Variants in ZMYND8 observed in about 807,000 individuals in gnomAD.
The protein encoded by ZMYND8 is zinc finger MYND-type containing 8.
Under a neutral mutation model 140.8 loss-of-function variants are expected in ZMYND8, and 37 were observed. The ratio of observed to expected loss-of-function variants is 0.26; its 90% confidence interval spans 0.20 to 0.35. The LOEUF is 0.35. Among genes scored for constraint, ZMYND8 ranks in the 10% least tolerant of loss-of-function variants. The pLI is 1.00. For synonymous variants in ZMYND8, 592 were observed against 597.1 expected (o/e 0.99, Z 0.12); for missense variants, 1,068 against 1,570.0 (o/e 0.68, Z 5.40).
chr20:47,326,417 A>C (rs2080423230), intron 2 of ZMYND8, among the ~76,000 whole-genome samples: 1 of 152,106 alleles, frequency 6.6e-6, no homozygotes, highest in African/African-American at 2.4e-5. Flanking sequence ...GTTATTCTTG[A>C]GGAGAGCTAT....
At position 47,323,335 on chromosome 20, in the gene ZMYND8, C is replaced by G. The variant is rs543900365; in HGVS notation, c.86-13131G>C. 2.0e-5 allele frequency among the ~76,000 whole-genome samples: 3 copies of G among 152,240 alleles called. No homozygotes were observed. In the East Asian group the frequency reaches 5.8e-4, roughly 29 times the overall value. ...ATGGCTCACTGCAGCCTCAACCTCC[C>G]AGGTTCAAGCGATCCTCCCACCTCA... On this transcript the variant is annotated intron_variant, in intron 2 of 22. Coordinates refer to ENST00000471951, the MANE Select transcript of ZMYND8 (RefSeq NM_001281775.3).
At chr20:47,267,843 A>G (rs1333668389) in intron 11 of ZMYND8, among the ~76,000 whole-genome samples, 1 of 152,116 alleles carries the variant, frequency 6.6e-6, no homozygotes, top group Non-Finnish European at 1.5e-5. Context: ...TGAGGTTCCC[A>G]AGGGAAGGCT....
intron 11 of ZMYND8, among the ~76,000 whole-genome samples, chr20:47,269,019 G>A (rs998575289): frequency 3.9e-5 from 6 of 151,988 alleles, no homozygotes; most frequent in Admixed American, 2.6e-4. Context: ...TGGCCAACAT[G>A]GCAAAACCGC....
intron 17 of ZMYND8, among the ~76,000 whole-genome samples, chr20:47,228,994 AT>A (rs3092476): frequency 0.13 from 18,499 of 146,896 alleles, 1,194 homozygotes; most frequent in Middle Eastern, 0.17. Context: ...AGATAGCTTA[AT>A]TTTTTTTTTT....
At chr20:47,287,395 C>A in intron 7 of ZMYND8, 111 bp from the exon 8 acceptor site, 1 of 897,338 alleles carries the variant, frequency 1.1e-6, no homozygotes, top group South Asian at 1.4e-5. Flanking sequence ...CAGGATTAAG[C>A]TTTTAAAGGC....
chr20:47,287,290 G>A lies in ZMYND8; in HGVS notation c.749-6C>T, dbSNP rs1392990612. The A allele has an allele frequency of 1.2e-6, 2 of 1,611,970 alleles. No homozygotes were observed. Among genetic ancestry groups the A allele is most frequent in the African/African-American group, 2.7e-5 (2 of 74,842 alleles). ...TTGCGTCAATTTGTGATTTCCTAAG[G>A]GAATAAGAAAACAGGATTAATTCTA... On this transcript the variant is annotated splice_region_variant and splice_polypyrimidine_tract_variant and intron_variant, in intron 7 of 22. Coordinates refer to ENST00000471951, the MANE Select transcript of ZMYND8 (RefSeq NM_001281775.3).
intron 1 of ZMYND8, chr20:47,354,501 T>C (rs2083057351): frequency 6.6e-6 from 1 of 152,204 alleles, no homozygotes. Context: ...GTTTTAAGTA[T>C]ATAACATCAT....
Position 47,246,347 on chromosome 20 carries a change from G to T in ZMYND8, c.1945C>A (p.Pro649Thr). The change falls in exon 14 of 23, where the codon CCA (proline) becomes ACA (threonine). Residue 649 changes from proline (P) to threonine (T), a missense_variant. Pro to Thr is a conservative substitution (Grantham distance 38). Transcript: ENST00000471951. Reference protein sequence around the residue: ...DKEGCQMDKEPSAVKKKPKPT... With the variant: ...DKEGCQMDKETSAVKKKPKPT... ...TTGGGCTTTTTTTTAACAGCAGATGGCTCTTTGTCCATCTGACAACCTTCT... is the reference window on the plus strand; with the variant it reads ...TTGGGCTTTTTTTTAACAGCAGATGTCTCTTTGTCCATCTGACAACCTTCT... 9 of 1,613,940 alleles carry T rather than the reference G, an allele frequency of 5.6e-6. No individual in the cohort carries two copies. Among genetic ancestry groups the T allele is most frequent in the Non-Finnish European group, 7.6e-6 (9 of 1,179,982 alleles).
chr20:47,337,869 C>T lies in ZMYND8; in HGVS notation c.85+9987G>A, dbSNP rs149893820. ...AGGCTGGCATAATGGCAATGACTGG[C>T]TTGGGAATTACTCAGTTAATAAGTG... On this transcript the variant is annotated intron_variant, in intron 2 of 22. Transcript: ENST00000471951. Among the ~76,000 whole-genome samples the T allele has an allele frequency of 4.6e-5, 7 of 152,090 alleles. No individual in the cohort carries two copies. The East Asian group carries it at 1.4e-3, about 29-fold the overall frequency.
rs1288758840 is a variant in ZMYND8 at position 47,252,863 on chromosome 20, G to A, written c.1622-3424C>T. On this transcript the variant is annotated intron_variant, in intron 12 of 22. Coordinates refer to ENST00000471951, the MANE Select transcript of ZMYND8 (RefSeq NM_001281775.3). ...GAGCCCAGGAGGCAGAGGTTGCAGT[G>A]AGCCGAGATCAGGCCACTGCACTCC... Among the ~76,000 whole-genome samples the A allele has an allele frequency of 2.6e-5, 4 of 152,298 alleles. No individual in the cohort carries two copies. The East Asian group carries it at 7.7e-4, about 29-fold the overall frequency.
chr20:47,344,511 C>T (rs2082178336), intron 2 of ZMYND8, among the ~76,000 whole-genome samples: 1 of 152,186 alleles, frequency 6.6e-6, no homozygotes, highest in African/African-American at 2.4e-5. Flanking sequence ...AAGAAACTGT[C>T]ACAGCCAACA....
At chr20:47,247,844 G>T (rs192296575) in intron 13 of ZMYND8, among the ~76,000 whole-genome samples, 19 of 152,340 alleles carry the variant, frequency 1.2e-4, no homozygotes, top group African/African-American at 4.1e-4. Context: ...AGGCATGGTG[G>T]TGCACACCTG....
At chr20:47,226,385 C>A (rs2037712195) in intron 18 of ZMYND8, among the ~76,000 whole-genome samples, 1 of 152,178 alleles carries the variant, frequency 6.6e-6, no homozygotes, top group Admixed American at 6.5e-5. Flanking sequence ...GGGGCTGAAG[C>A]AATCACTTCT....
chr20:47,314,703 C>T (rs577240530), intron 2 of ZMYND8, among the ~76,000 whole-genome samples: 1 of 152,254 alleles, frequency 6.6e-6, no homozygotes, highest in East Asian at 1.9e-4. Flanking sequence ...AATCCTGTTC[C>T]ACACTGGCGA....
Position 47,321,096 on chromosome 20 carries a change from A to G in ZMYND8, c.86-10892T>C, listed in dbSNP as rs139260597. 1.2e-4 allele frequency among the ~76,000 whole-genome samples: 19 copies of G among 152,308 alleles called. No individual in the cohort carries two copies. The East Asian group carries it at 3.7e-3, about 29-fold the overall frequency. ...GCTGGACTCCTCTGAATTATTTCTG[A>G]TCATGTTTACATATTTAACGAAGGT... On this transcript the variant is annotated intron_variant, in intron 2 of 22. Transcript: ENST00000471951.
At position 47,210,473 on chromosome 20, in the gene ZMYND8, T is replaced by A; in HGVS notation, c.*288A>T. The A allele has an allele frequency of 4.1e-6, 1 of 246,634 alleles. No individual in the cohort carries two copies. Among genetic ancestry groups the A allele is most frequent in the Non-Finnish European group, 7.7e-6 (1 of 130,114 alleles). The allele number at this position is 246,634 out of a possible 1,614,324, so 15.3% of individuals were successfully genotyped here. On this transcript the variant is annotated 3_prime_UTR_variant, in exon 23 of 23. Transcript: ENST00000471951. Reference sequence around the variant, plus strand: ...TTTTTTTTTTTTAATAAGTTAAAGTTAATACAAATATAAAAAGGGGAAAGT... The same window carrying A: ...TTTTTTTTTTTTAATAAGTTAAAGTAAATACAAATATAAAAAGGGGAAAGT...
chr20:47,219,353 G>A (rs2036603318), intron 21 of ZMYND8, among the ~76,000 whole-genome samples: 2 of 151,528 alleles, frequency 1.3e-5, no homozygotes, highest in African/African-American at 4.8e-5. Context: ...ACTGCGCCCG[G>A]CCTACCAAAA....
intron 18 of ZMYND8, among the ~76,000 whole-genome samples, chr20:47,226,386 A>C (rs2037712568): frequency 6.6e-6 from 1 of 152,186 alleles, no homozygotes; most frequent in South Asian, 2.1e-4. Flanking sequence ...GGGCTGAAGC[A>C]ATCACTTCTA....
chr20:47,311,851 C>T (rs527359842), intron 2 of ZMYND8, among the ~76,000 whole-genome samples: 1 of 152,280 alleles, frequency 6.6e-6, no homozygotes, highest in Admixed American at 6.5e-5. Context: ...GCCTGGGTGA[C>T]AAAAGTGAGA....
Sources: gnomAD v4.1 joint callset for allele counts (sites outside exome capture counted in the v4.1 genomes callset) on GRCh38, gnomAD v4.1.1 for gene constraint, MANE v1.5 for transcripts, NCBI Gene and HGNC (gene_info 2026-07-23, HGNC 2026-07-21) for gene names.